Variants in DLGAP2 observed in about 807,000 individuals in gnomAD.
The protein encoded by DLGAP2 is DLG associated protein 2, also known as disks large-associated protein 2.
DLGAP2 carries 26 observed loss-of-function variants against 100.3 expected under a neutral mutation model. The ratio of observed to expected loss-of-function variants is 0.26; its 90% CI spans 0.19 to 0.36. The LOEUF (loss-of-function observed/expected upper bound fraction) is 0.36, where lower values mean the gene tolerates loss of function less well. Among genes scored for constraint, DLGAP2 ranks in the 10% least tolerant of loss-of-function variants. The pLI, the probability that DLGAP2 is intolerant of heterozygous loss-of-function variation, is 1.00. For missense variants in DLGAP2, 1,858 were observed against 1,453.2 expected (o/e 1.28, Z -4.53); for synonymous variants, 886 against 630.1 (o/e 1.41, Z -6.08).
chr8:913,741 C>G (rs1007650588), intron 2 of DLGAP2, among the ~76,000 whole-genome samples: 3 of 152,342 alleles, frequency 2.0e-5, no homozygotes, highest in African/African-American at 4.8e-5. Flanking sequence ...CACAGCTGTG[C>G]CTCAGATACA....
At chr8:897,218 C>G (rs1798159145) in intron 1 of DLGAP2, among the ~76,000 whole-genome samples, 1 of 152,192 alleles carries the variant, frequency 6.6e-6, no homozygotes, top group South Asian at 2.1e-4. Context: ...CCTTATTTCA[C>G]AGGTGTTTGT....
intron 5 of DLGAP2, among the ~76,000 whole-genome samples, chr8:1,555,450 CTG>C (rs1489374615): frequency 1.3e-5 from 2 of 152,238 alleles, no homozygotes; most frequent in Admixed American, 6.5e-5. Flanking sequence ...TCCTCCACAA[CTG>C]CCCTGCCTCT....
chr8:1,420,808 C>T (rs938455787), intron 3 of DLGAP2, among the ~76,000 whole-genome samples: 2 of 152,196 alleles, frequency 1.3e-5, no homozygotes, highest in African/African-American at 4.8e-5. Context: ...ATCCCATAAT[C>T]ATCCAGATTT....
intron 3 of DLGAP2, among the ~76,000 whole-genome samples, chr8:1,428,723 G>A (rs6558471): frequency 0.24 from 36,270 of 152,172 alleles, 4,478 homozygotes; most frequent in Middle Eastern, 0.31. Flanking sequence ...GGATGGCTCA[G>A]TGCCAGCAAA....
chr8:776,927 T>C (rs895638608), intron 1 of DLGAP2, among the ~76,000 whole-genome samples: 12 of 152,178 alleles, frequency 7.9e-5, no homozygotes, highest in African/African-American at 2.9e-4. Flanking sequence ...GTCTCGTTGA[T>C]CTGTCTAATG....
rs1585221707 is a variant in DLGAP2 at position 1,283,923 on chromosome 8, A to G, written c.106+25040A>G. On this transcript the variant is annotated intron_variant, in intron 3 of 14. Transcript: ENST00000637795. ...TTATAACATTTCTGAAAACGTGGAA[A>G]ATGCTAGAGCGTCCATCTGTAGCTA... Among the ~76,000 whole-genome samples the G allele has an allele frequency of 2.0e-5, 3 of 152,346 alleles. No individual in the cohort carries two copies. In the East Asian group the frequency reaches 5.8e-4, roughly 29 times the overall value.
At chr8:1,098,383 C>T (rs1804459504) in intron 2 of DLGAP2, among the ~76,000 whole-genome samples, 1 of 152,262 alleles carries the variant, frequency 6.6e-6, no homozygotes, top group Non-Finnish European at 1.5e-5. Flanking sequence ...CTGGAACATT[C>T]AGGGACACCC....
chr8:782,130 C>A (rs1422483257), intron 1 of DLGAP2, among the ~76,000 whole-genome samples: 1 of 151,928 alleles, frequency 6.6e-6, no homozygotes, highest in Non-Finnish European at 1.5e-5. Flanking sequence ...TCCCAGTTAT[C>A]CTGATTTTAT....
chr8:1,604,611 C>G (rs1049824691), intron 6 of DLGAP2: 2 of 152,178 alleles, frequency 1.3e-5, no homozygotes, highest in Non-Finnish European at 2.9e-5. Context: ...ATCCTGGAAT[C>G]TATATTACAT....
intron 2 of DLGAP2, chr8:1,105,039 T>C (rs1349911354): frequency 1.3e-5 from 2 of 152,220 alleles, no homozygotes; most frequent in Non-Finnish European, 1.5e-5. Flanking sequence ...ATGGTCCACC[T>C]GGGAGAACCA....
At chr8:1,520,147 G>C (rs751480494) in intron 4 of DLGAP2, among the ~76,000 whole-genome samples, 5 of 152,208 alleles carry the variant, frequency 3.3e-5, no homozygotes, top group Non-Finnish European at 7.3e-5. Flanking sequence ...TGATGAACAT[G>C]TTAGTGATTA....
intron 2 of DLGAP2, among the ~76,000 whole-genome samples, chr8:1,039,358 G>C (rs977055681): frequency 2.0e-5 from 3 of 151,282 alleles, no homozygotes; most frequent in Admixed American, 2.0e-4. Context: ...CGGTGTGCGT[G>C]GTCAGCTCGG....
intron 3 of DLGAP2, among the ~76,000 whole-genome samples, chr8:1,489,022 G>A (rs892834479): frequency 5.4e-4 from 82 of 152,122 alleles, no homozygotes; most frequent in Admixed American, 9.8e-4. Context: ...TAAATAATCC[G>A]CACTGTTACC....
intron 1 of DLGAP2, among the ~76,000 whole-genome samples, chr8:875,640 C>A (rs368117708): frequency 3.9e-5 from 6 of 152,186 alleles, no homozygotes; most frequent in Non-Finnish European, 5.9e-5. Context: ...ATTACCCAGT[C>A]GTGAGTATGT....
intron 2 of DLGAP2, among the ~76,000 whole-genome samples, chr8:1,037,460 G>A (rs577367883): frequency 6.6e-6 from 1 of 152,256 alleles, no homozygotes; most frequent in African/African-American, 2.4e-5. Context: ...GCCTGGCGGT[G>A]GCCTGGCTGC....
chr8:1,004,684 G>T (rs1488251695), intron 2 of DLGAP2, among the ~76,000 whole-genome samples: 1 of 152,132 alleles, frequency 6.6e-6, no homozygotes, highest in Non-Finnish European at 1.5e-5. Flanking sequence ...ATTTTCTTAG[G>T]AAGGTGGGAG....
chr8:1,255,569 T>C (rs1799181861), intron 2 of DLGAP2, among the ~76,000 whole-genome samples: 1 of 128,318 alleles, frequency 7.8e-6, no homozygotes. Flanking sequence ...GGGAGCTGTG[T>C]GTGTGTCCTT....
At chr8:1,667,323 G>A (rs1038952947) in intron 8 of DLGAP2, among the ~76,000 whole-genome samples, 1 of 152,132 alleles carries the variant, frequency 6.6e-6, no homozygotes, top group South Asian at 2.1e-4. Flanking sequence ...ATCATCTCCG[G>A]ATGCATTTAT....
intron 2 of DLGAP2, among the ~76,000 whole-genome samples, chr8:1,134,232 G>T (rs150285144): frequency 7.5e-4 from 114 of 152,248 alleles, no homozygotes; most frequent in African/African-American, 2.5e-3. Context: ...TCTTAATCCA[G>T]TCTACCATTG....
Sources: allele counts gnomAD v4.1 joint callset (sites outside exome capture counted in the v4.1 genomes callset), GRCh38; gene constraint gnomAD v4.1.1; transcripts MANE v1.5; gene names NCBI Gene and HGNC (gene_info 2026-07-23, HGNC 2026-07-21).